The following SLC38A6 variants were observed in gnomAD, a reference collection of about 807,000 sequenced individuals.
SLC38A6 encodes the protein N system amino acid transporter NAT-1.
In SLC38A6, 73 loss-of-function variants were observed where a neutral mutation model predicts 65.0. That is an observed-to-expected ratio of 1.12 (90% CI 0.93 to 1.37). SLC38A6 has a LOEUF of 1.37. Ranked by LOEUF, SLC38A6 falls within the 40% of genes most tolerant of loss-of-function variation. The probability of loss-of-function intolerance (pLI) is 0.00; values close to 1 mark genes in which losing one functional copy is unlikely to be tolerated. For synonymous variants in SLC38A6, 183 were observed against 178.8 expected, an observed-to-expected ratio of 1.02 and a Z score of -0.19; for missense variants, 561 against 531.1, an observed-to-expected ratio of 1.06 and a Z score of -0.55.
intron 5 of SLC38A6, among the ~76,000 whole-genome samples, chr14:61,024,814 A>T (rs2040523096): frequency 6.6e-6 from 1 of 152,220 alleles, no homozygotes; most frequent in African/African-American, 2.4e-5. Flanking sequence ...ATAACAGTGA[A>T]GTCAATTGAT....
intron 15 of SLC38A6, among the ~76,000 whole-genome samples, chr14:61,070,173 A>C (rs1173087803): frequency 3.9e-5 from 6 of 152,200 alleles, no homozygotes; most frequent in Non-Finnish European, 4.4e-5. Context: ...ATCCGGCATG[A>C]CTAAAACTCT....
chr14:61,052,247 C>T (rs781204912), intron 15 of SLC38A6, 102 bp from the exon 16 acceptor site: 1 of 1,244,296 alleles, frequency 8.0e-7, no homozygotes, highest in Non-Finnish European at 1.1e-6. Flanking sequence ...ATATAGAATA[C>T]ATTATTGCAG....
intron 3 of SLC38A6, among the ~76,000 whole-genome samples, chr14:60,998,261 A>C (rs926597573): frequency 6.6e-6 from 1 of 151,796 alleles, no homozygotes; most frequent in African/African-American, 2.4e-5. Flanking sequence ...TTCATGTCCA[A>C]ATGTTGCCTT....
intron 5 of SLC38A6, among the ~76,000 whole-genome samples, chr14:61,022,198 C>G (rs574971578): frequency 1.2e-3 from 180 of 151,948 alleles, no homozygotes; most frequent in Non-Finnish European, 2.0e-3. Context: ...ATGATTTGGC[C>G]CTTTCTTAGG....
chr14:61,033,196 A>T (rs1459651666), intron 6 of SLC38A6, among the ~76,000 whole-genome samples: 1 of 152,018 alleles, frequency 6.6e-6, no homozygotes, highest in Admixed American at 6.6e-5. Context: ...TGTGAGTAAG[A>T]TCCTAATTCA....
At chr14:61,045,145 C>T (rs1027309042) in intron 10 of SLC38A6, among the ~76,000 whole-genome samples, 1 of 152,102 alleles carries the variant, frequency 6.6e-6, no homozygotes, top group Non-Finnish European at 1.5e-5. Flanking sequence ...TACAGGCAAG[C>T]CCACTATCAA....
chr14:61,035,524 A>T (rs1172913969), intron 6 of SLC38A6, among the ~76,000 whole-genome samples: 1 of 152,018 alleles, frequency 6.6e-6, no homozygotes. Flanking sequence ...AATTTTCTCT[A>T]TTTTATTTTC....
intron 3 of SLC38A6, among the ~76,000 whole-genome samples, chr14:61,002,856 A>T (rs570546122): frequency 6.6e-6 from 1 of 152,320 alleles, no homozygotes; most frequent in Non-Finnish European, 1.5e-5. Context: ...CATGCCAAGT[A>T]CTGTTTGTAT....
intron 3 of SLC38A6, among the ~76,000 whole-genome samples, chr14:61,013,589 A>G (rs1029154198): frequency 3.3e-5 from 5 of 152,198 alleles, no homozygotes; most frequent in South Asian, 4.1e-4. Context: ...GGTGATGACA[A>G]AATCTCTCAG....
intron 4 of SLC38A6, among the ~76,000 whole-genome samples, chr14:61,018,267 A>G (rs1239064555): frequency 2.0e-5 from 3 of 152,216 alleles, no homozygotes; most frequent in African/African-American, 4.8e-5. Flanking sequence ...TGAAGATAGT[A>G]TACACAAGTT....
intron 3 of SLC38A6, among the ~76,000 whole-genome samples, chr14:60,998,787 G>T (rs770330376): frequency 4.6e-5 from 7 of 152,206 alleles, no homozygotes; most frequent in Admixed American, 4.6e-4. Flanking sequence ...GCCGGTCTGC[G>T]AGCTCCGCCT....
chr14:61,067,212 A>G (rs2043049655), intron 15 of SLC38A6, among the ~76,000 whole-genome samples: 1 of 152,304 alleles, frequency 6.6e-6, no homozygotes, highest in Non-Finnish European at 1.5e-5. Context: ...TATTCTCTGA[A>G]CTTGCTGAAG....
At chr14:61,007,230 G>A (rs1489171661) in intron 3 of SLC38A6, among the ~76,000 whole-genome samples, 2 of 152,004 alleles carry the variant, frequency 1.3e-5, no homozygotes, top group Non-Finnish European at 2.9e-5. Context: ...GCTAAATGAC[G>A]AGTTAATGGG....
chr14:61,000,883 A>G (rs1179299599), intron 3 of SLC38A6, among the ~76,000 whole-genome samples: 2 of 152,124 alleles, frequency 1.3e-5, no homozygotes, highest in Non-Finnish European at 2.9e-5. Context: ...AAGGCAATAG[A>G]TATGTTTCCC....
At chr14:61,015,763 C>T in intron 3 of SLC38A6, 141 bp from the exon 4 acceptor site, 1 of 481,556 alleles carries the variant, frequency 2.1e-6, no homozygotes, top group Non-Finnish European at 3.5e-6. Flanking sequence ...GGAGAATTTT[C>T]TCATTTTGTG....
chr14:61,049,174 T>C (rs1594747073), intron 12 of SLC38A6, among the ~76,000 whole-genome samples: 1 of 152,186 alleles, frequency 6.6e-6, no homozygotes, highest in Non-Finnish European at 1.5e-5. Flanking sequence ...CAGATCATAA[T>C]ACACTGTTCT....
rs80087000 is a variant in SLC38A6, at chr14:61,067,818, A to C, written c.1291-10992A>C. On this transcript the variant is annotated intron_variant, in intron 15 of 16. Coordinates refer to the SLC38A6 transcript ENST00000354886. ...TCCTGTTAGCTTCAGTGCACCACTT[A>C]AGCAGTTGAGATCTTTTTTTTGAAT... Among the ~76,000 whole-genome samples the C allele has an allele frequency of 6.4e-4, 98 of 152,210 alleles. 1 individual carries two copies. The East Asian group carries it at 0.013, about 20-fold the overall frequency.
chr14:61,010,032 C>A (rs1355532911), intron 3 of SLC38A6, among the ~76,000 whole-genome samples: 1 of 152,226 alleles, frequency 6.6e-6, no homozygotes. Flanking sequence ...TCCACATCCT[C>A]TCCAGCACCT....
intron 3 of SLC38A6, among the ~76,000 whole-genome samples, chr14:60,989,874 A>T (rs2037730256): frequency 6.6e-6 from 1 of 152,200 alleles, no homozygotes; most frequent in African/African-American, 2.4e-5. Context: ...GACAGAGCTG[A>T]TAACTCCTTG....
Sources: gnomAD v4.1 joint callset for allele counts (sites outside exome capture counted in the v4.1 genomes callset) on GRCh38, gnomAD v4.1.1 for gene constraint, MANE v1.5 for transcripts, NCBI Gene and HGNC (gene_info 2026-07-23, HGNC 2026-07-21) for gene names.